Variants in DYRK4 observed in about 807,000 individuals in gnomAD.
DYRK4 encodes dual specificity tyrosine phosphorylation regulated kinase 4.
A neutral mutation model predicts 68.3 loss-of-function variants in DYRK4; 64 were observed. That is an observed-to-expected ratio of 0.94 (90% CI 0.77 to 1.15). The LOEUF is 1.15. Ranked by LOEUF, DYRK4 falls within the 50% of genes most tolerant of loss-of-function variation. The probability of loss-of-function intolerance (pLI) is 0.00; values close to 1 mark genes in which losing one functional copy is unlikely to be tolerated. For missense variants in DYRK4, 740 were observed against 764.7 expected (o/e 0.97, Z 0.38); for synonymous variants, 274 against 289.9 (o/e 0.95, Z 0.56).
chr12:4,586,468 G>A (rs544552682), intron 2 of DYRK4, among the ~76,000 whole-genome samples: 8 of 152,226 alleles, frequency 5.3e-5, no homozygotes, highest in Admixed American at 3.3e-4. Flanking sequence ...CTGTGAATAC[G>A]GGAGAGCACA....
At chr12:4,587,851 T>A (rs1050594212) in intron 2 of DYRK4, among the ~76,000 whole-genome samples, 1 of 152,182 alleles carries the variant, frequency 6.6e-6, no homozygotes, top group African/African-American at 2.4e-5. Flanking sequence ...CAGAAGTGGG[T>A]CTGATACCAG....
chr12:4,562,463 TGTA>T (rs1282701618), intron 1 of DYRK4, among the ~76,000 whole-genome samples, 180 bp downstream of exon 1: 1 of 152,186 alleles, frequency 6.6e-6, no homozygotes, highest in East Asian at 1.9e-4. Flanking sequence ...AAAATACAGT[TGTA>T]GTTTTTGCAG....
chr12:4,603,151 T>C (rs1259583637), intron 10 of DYRK4: 4 of 1,362,040 alleles, frequency 2.9e-6, no homozygotes, highest in African/African-American at 1.4e-5. Flanking sequence ...GATCCAAAGG[T>C]TGAATACTCG....
chr12:4,599,896 A>C, intron 10 of DYRK4, 108 bp downstream of exon 10: 2 of 882,936 alleles, frequency 2.3e-6, no homozygotes, highest in Non-Finnish European at 3.6e-6. Flanking sequence ...CACCACTACC[A>C]GTATGATTTT....
chr12:4,582,645 T>C (rs570260805), intron 2 of DYRK4, among the ~76,000 whole-genome samples: 34 of 152,272 alleles, frequency 2.2e-4, no homozygotes, highest in African/African-American at 7.5e-4. Context: ...AAAGTGCTGC[T>C]ATGGCTGGGG....
chr12:4,589,069 G>C, intron 3 of DYRK4, 52 bp downstream of exon 3: 1 of 1,508,016 alleles, frequency 6.6e-7, no homozygotes, highest in Non-Finnish European at 8.9e-7. Flanking sequence ...AGGAGAGGTG[G>C]GTGGCCAGGG....
At chr12:4,568,715 G>T (rs540553734) in intron 2 of DYRK4, among the ~76,000 whole-genome samples, 22 of 152,214 alleles carry the variant, frequency 1.4e-4, no homozygotes, top group Admixed American at 2.6e-4. Context: ...ATACAGACAT[G>T]GTGTCTTTCC....
At chr12:4,572,486 G>A (rs1275382582) in intron 2 of DYRK4, among the ~76,000 whole-genome samples, 17 of 152,068 alleles carry the variant, frequency 1.1e-4, no homozygotes, top group Non-Finnish European at 4.4e-5. Context: ...TAGTAGAGAC[G>A]GAGTTTCACC....
intron 8 of DYRK4, 94 bp from the exon 9 acceptor site, chr12:4,598,934 C>T (rs58588078): frequency 0.032 from 46,616 of 1,449,408 alleles, 906 homozygotes; most frequent in African/African-American, 0.074. Context: ...TGCTACTAGA[C>T]GGAAACCAGG....
At chr12:4,588,881 C>T in intron 2 of DYRK4, 56 bp from the exon 3 acceptor site, 2 of 1,481,788 alleles carry the variant, frequency 1.3e-6, no homozygotes, top group South Asian at 1.2e-5. Context: ...CAAAAATATA[C>T]AGTGTGGGAT....
chr12:4,570,889 A>T (rs374822636), intron 2 of DYRK4, among the ~76,000 whole-genome samples: 1 of 152,336 alleles, frequency 6.6e-6, no homozygotes, highest in African/African-American at 2.4e-5. Context: ...TTTGGCTAAC[A>T]CAGGGTAAAA....
At chr12:4,598,278 TGAG>T (rs1209523538) in intron 8 of DYRK4, among the ~76,000 whole-genome samples, 3 of 152,160 alleles carry the variant, frequency 2.0e-5, no homozygotes, top group Non-Finnish European at 4.4e-5. Context: ...AAATGGAAGA[TGAG>T]GAGGAACCAG....
Position 4,596,151 on chromosome 12 carries a change from C to T in DYRK4, c.630C>T (p.Val210=), listed in dbSNP as rs3741925. 0.28 allele frequency: 446,633 copies of T among 1,613,784 alleles called. 63,516 individuals are homozygous for T. The highest frequency in any genetic ancestry group is 0.31 in the East Asian group (14,019 of 44,850). Residue 210 remains valine, a splice_region_variant and synonymous_variant, in exon 7 of 15, where the codon GTC becomes GTT. Transcript: ENST00000543431. ...CACCTCCGGCCTGGCTTCCACAGGT[C>T]CTGCATGATCACATTGCCTACCGCT... ...FDDEHGFYLK[V]LHDHIAYRYE...
intron 12 of DYRK4, among the ~76,000 whole-genome samples, chr12:4,609,668 G>A (rs1945195178): frequency 6.6e-6 from 1 of 152,188 alleles, no homozygotes; most frequent in African/African-American, 2.4e-5. Flanking sequence ...TAGGAGCTTT[G>A]TTATTGATAA....
At chr12:4,589,885 A>G (rs1224620027) in intron 3 of DYRK4, among the ~76,000 whole-genome samples, 1 of 152,220 alleles carries the variant, frequency 6.6e-6, no homozygotes, top group East Asian at 1.9e-4. Context: ...GCACTGAGGA[A>G]GATTTGTGTG....
At chr12:4,587,602 T>G (rs542719704) in intron 2 of DYRK4, among the ~76,000 whole-genome samples, 1 of 152,202 alleles carries the variant, frequency 6.6e-6, no homozygotes, top group African/African-American at 2.4e-5. Context: ...TTTGCTCAGA[T>G]ACCATTTTCC....
intron 2 of DYRK4, among the ~76,000 whole-genome samples, chr12:4,580,085 T>G (rs902730156): frequency 1.3e-4 from 20 of 152,352 alleles, no homozygotes; most frequent in South Asian, 2.1e-4. Context: ...TATCATGATT[T>G]ACCAAGGTGC....
chr12:4,573,129 C>T, intron 2 of DYRK4: 1 of 387,576 alleles, frequency 2.6e-6, no homozygotes, highest in Non-Finnish European at 4.8e-6. Flanking sequence ...CTGTTAAATG[C>T]AAATGGAAGA....
intron 2 of DYRK4, among the ~76,000 whole-genome samples, chr12:4,585,346 C>T (rs768036379): frequency 2.6e-5 from 4 of 152,224 alleles, no homozygotes; most frequent in Non-Finnish European, 4.4e-5. Context: ...GAGAGTGCTG[C>T]TGCACTTATT....
Sources: gnomAD v4.1 joint callset for allele counts (sites outside exome capture counted in the v4.1 genomes callset) on GRCh38, gnomAD v4.1.1 for gene constraint, MANE v1.5 for transcripts, NCBI Gene and HGNC (gene_info 2026-07-23, HGNC 2026-07-21) for gene names.